Variants in PPFIA2 observed in about 807,000 individuals in gnomAD.
PPFIA2 encodes the protein liprin-alpha-2.
A neutral mutation model predicts 175.5 loss-of-function variants in PPFIA2; 46 were observed. The observed-to-expected ratio is 0.26, with a 90% CI of 0.21 to 0.34. PPFIA2 has a LOEUF of 0.34. PPFIA2 is among the 10% of genes least tolerant of loss of function. PPFIA2 has a pLI of 1.00. For synonymous variants in PPFIA2, 568 were observed against 511.4 expected (o/e 1.11, Z -1.49); for missense variants, 1,179 against 1,506.1 (o/e 0.78, Z 3.60).
At chr12:81,612,179 T>C (rs1250902139) in intron 4 of PPFIA2, among the ~76,000 whole-genome samples, 5 of 151,950 alleles carry the variant, frequency 3.3e-5, no homozygotes, top group Non-Finnish European at 5.9e-5. Context: ...CTCCTGAGTT[T>C]ACTCATACAT....
At chr12:81,368,699 G>C (rs10506275) in intron 13 of PPFIA2, 26 bp downstream of exon 13, 174,029 of 1,587,938 alleles carry the variant, frequency 0.11, 15,456 homozygotes, top group East Asian at 0.43. Context: ...AAATATTCAT[G>C]TGATTTTACC....
intron 4 of PPFIA2, among the ~76,000 whole-genome samples, chr12:81,580,696 T>C (rs1338750288): frequency 6.6e-6 from 1 of 151,722 alleles, no homozygotes; most frequent in Non-Finnish European, 1.5e-5. Context: ...AAATGATAAT[T>C]ATATCCTGTT....
At chr12:81,393,244 AC>A (rs1181887469) in intron 8 of PPFIA2, among the ~76,000 whole-genome samples, 3 of 152,058 alleles carry the variant, frequency 2.0e-5, no homozygotes, top group African/African-American at 4.8e-5. Context: ...TGAAATTCTT[AC>A]TCTGTATAGT....
intron 4 of PPFIA2, among the ~76,000 whole-genome samples, chr12:81,595,403 T>C (rs1323940272): frequency 6.6e-6 from 1 of 152,070 alleles, no homozygotes; most frequent in Non-Finnish European, 1.5e-5. Context: ...TTTTGTCAAT[T>C]AAAGGGCATT....
intron 4 of PPFIA2, among the ~76,000 whole-genome samples, chr12:81,498,583 C>T (rs541589047): frequency 2.4e-4 from 37 of 152,124 alleles, no homozygotes; most frequent in Non-Finnish European, 5.0e-4. Flanking sequence ...GGGAATACAG[C>T]CATGGGGATT....
intron 3 of PPFIA2, among the ~76,000 whole-genome samples, chr12:81,679,539 GA>G (rs1286671591): frequency 6.6e-6 from 1 of 151,808 alleles, no homozygotes; most frequent in African/African-American, 2.4e-5. Flanking sequence ...ATCATGTCTT[GA>G]GAAAAAATGA....
chr12:81,382,500 T>C (rs970811864), intron 9 of PPFIA2, among the ~76,000 whole-genome samples: 1 of 152,020 alleles, frequency 6.6e-6, no homozygotes, highest in African/African-American at 2.4e-5. Flanking sequence ...ATTGAAATAA[T>C]CCAGTGAGAG....
chr12:81,482,420 T>C lies in PPFIA2; in HGVS notation c.304-24554A>G, dbSNP rs191365407. On this transcript the variant is annotated intron_variant, in intron 4 of 32. Transcript: ENST00000549396. ...CCCAAAGGATTATAATTCATTCTAC[T>C]ATAAAGACACATGCACACATATGTT... Among the ~76,000 whole-genome samples, 29 of 152,328 alleles carry C rather than the reference T, an allele frequency of 1.9e-4. No homozygotes were observed. In the South Asian group the frequency reaches 4.6e-3, roughly 24 times the overall value.
chr12:81,401,116 C>G (rs1163161150), intron 8 of PPFIA2, among the ~76,000 whole-genome samples: 1 of 151,980 alleles, frequency 6.6e-6, no homozygotes, highest in African/African-American at 2.4e-5. Context: ...TATCTATGCC[C>G]TTTTACACTG....
Position 81,668,166 on chromosome 12 carries a change from GGC to G in PPFIA2, c.303+8623_303+8624del, listed in dbSNP as rs1462413441. ...ACCTCACATTTCAGTTTATATTCTT[GGC>G]AAAACAGCTGACATCCTATTAATTC... On this transcript the variant is annotated intron_variant, in intron 4 of 32. Transcript: ENST00000549396. Among the ~76,000 whole-genome samples, 28 of 152,056 alleles carry G rather than the reference GGC, an allele frequency of 1.8e-4. No homozygotes were observed. The East Asian group carries it at 5.3e-3, about 29-fold the overall frequency.
intron 4 of PPFIA2, among the ~76,000 whole-genome samples, chr12:81,551,588 C>G (rs1465447453): frequency 1.3e-5 from 2 of 151,758 alleles, no homozygotes; most frequent in African/African-American, 4.8e-5. Flanking sequence ...GGATAAGCAT[C>G]CATGGATTTT....
chr12:81,468,949 G>C (rs1355072682), intron 4 of PPFIA2, among the ~76,000 whole-genome samples: 1 of 151,984 alleles, frequency 6.6e-6, no homozygotes, highest in East Asian at 1.9e-4. Context: ...AACCATGAGA[G>C]AGAAATCTGG....
intron 22 of PPFIA2, among the ~76,000 whole-genome samples, chr12:81,313,309 T>C (rs535351294): frequency 1.3e-5 from 2 of 152,134 alleles, no homozygotes; most frequent in African/African-American, 4.8e-5. Flanking sequence ...GAAATTCCTA[T>C]GTCAGAAATT....
At chr12:81,593,128 G>A (rs1327290040) in intron 4 of PPFIA2, among the ~76,000 whole-genome samples, 2 of 151,928 alleles carry the variant, frequency 1.3e-5, no homozygotes, top group Non-Finnish European at 2.9e-5. Flanking sequence ...TCCTATTTCA[G>A]GTGCTAATCC....
At chr12:81,504,376 C>G (rs1400851716) in intron 4 of PPFIA2, among the ~76,000 whole-genome samples, 2 of 151,932 alleles carry the variant, frequency 1.3e-5, no homozygotes, top group Non-Finnish European at 2.9e-5. Context: ...ATTTATATGG[C>G]CAACAAGCAT....
At chr12:81,638,595 T>G (rs943969234) in intron 4 of PPFIA2, among the ~76,000 whole-genome samples, 6 of 151,622 alleles carry the variant, frequency 4.0e-5, no homozygotes, top group African/African-American at 1.2e-4. Flanking sequence ...ATTTGGGATA[T>G]GTACATAAGG....
At position 81,352,661 on chromosome 12, in the gene PPFIA2, C is replaced by T. The variant is rs1402567021; in HGVS notation, c.1994+458G>A. On this transcript the variant is annotated intron_variant, in intron 17 of 32. Transcript: ENST00000549396. ...AAAAGAATGGTAAATTAATTTCACT[C>T]CAATGTTGAAATATTTTAAGGAATC... Among the ~76,000 whole-genome samples the T allele has an allele frequency of 1.3e-5, 2 of 152,002 alleles. 1 individual carries two copies. The highest frequency in any genetic ancestry group is 3.9e-4 in the East Asian group (2 of 5,144).
At chr12:81,539,560 C>G (rs192838546) in intron 4 of PPFIA2, among the ~76,000 whole-genome samples, 1 of 151,914 alleles carries the variant, frequency 6.6e-6, no homozygotes, top group African/African-American at 2.4e-5. Context: ...CATGCCATAA[C>G]GAATCAGTGG....
At chr12:81,527,004 C>G (rs2063807384) in intron 4 of PPFIA2, among the ~76,000 whole-genome samples, 1 of 152,042 alleles carries the variant, frequency 6.6e-6, no homozygotes, top group Non-Finnish European at 1.5e-5. Context: ...AATACCAATA[C>G]CAAGATGGTG....
Sources: allele counts gnomAD v4.1 joint callset (sites outside exome capture counted in the v4.1 genomes callset), GRCh38; gene constraint gnomAD v4.1.1; transcripts MANE v1.5; gene names NCBI Gene and HGNC (gene_info 2026-07-23, HGNC 2026-07-21).